Variants in SPART observed in about 807,000 individuals in gnomAD.
The protein encoded by SPART is spastic paraplegia 20 (Troyer syndrome).
SPART carries 35 observed loss-of-function variants against 58.7 expected under a neutral mutation model. The observed-to-expected ratio is 0.60, with a 90% CI of 0.46 to 0.79. The LOEUF is 0.79. Among genes scored for constraint, SPART ranks in the 30% least tolerant of loss-of-function variants. The probability of loss-of-function intolerance (pLI) is 0.00; values close to 1 mark genes in which losing one functional copy is unlikely to be tolerated. For missense variants in SPART, 730 were observed against 786.1 expected (o/e 0.93, Z 0.85); for synonymous variants, 284 against 280.7 (o/e 1.01, Z -0.12).
At chr13:36,367,039 G>A (rs752105239) in intron 1 of SPART, among the ~76,000 whole-genome samples, 3 of 152,154 alleles carry the variant, frequency 2.0e-5, no homozygotes, top group Non-Finnish European at 4.4e-5. Flanking sequence ...GGAAGTAGCC[G>A]GAAAGATTCG....
chr13:36,316,092 C>A (rs1022458333), intron 5 of SPART, among the ~76,000 whole-genome samples: 1 of 152,230 alleles, frequency 6.6e-6, no homozygotes, highest in African/African-American at 2.4e-5. Context: ...TAGATTGATT[C>A]TGTTCATGTT....
chr13:36,342,247 T>A (rs1171473454), intron 1 of SPART, among the ~76,000 whole-genome samples: 1 of 152,220 alleles, frequency 6.6e-6, no homozygotes, highest in African/African-American at 2.4e-5. Flanking sequence ...GCAATATTAC[T>A]ATTAGTACTA....
intron 1 of SPART, among the ~76,000 whole-genome samples, chr13:36,337,468 G>A (rs1397482578): frequency 6.6e-6 from 1 of 152,200 alleles, no homozygotes; most frequent in Non-Finnish European, 1.5e-5. Flanking sequence ...CTGTTCTCCT[G>A]ATAGTGAGTT....
At chr13:36,310,702 T>G (rs551905197) in intron 8 of SPART, among the ~76,000 whole-genome samples, 168 of 152,166 alleles carry the variant, frequency 1.1e-3, no homozygotes, top group Non-Finnish European at 2.1e-3. Flanking sequence ...TAGAGTCATG[T>G]AAAACTAGAG....
chr13:36,369,979 A>G (rs1276015840), intron 1 of SPART: 4 of 152,252 alleles, frequency 2.6e-5, no homozygotes, highest in Non-Finnish European at 5.9e-5. Context: ...CCTTAAAAAT[A>G]AAGCTCCTCC....
intron 5 of SPART, among the ~76,000 whole-genome samples, chr13:36,317,418 C>T (rs564924813): frequency 1.1e-4 from 17 of 152,032 alleles, no homozygotes; most frequent in South Asian, 2.1e-4. Context: ...CCCTTATTTC[C>T]GTGCCCCAAC....
At chr13:36,305,326 C>A (rs540582562) in intron 8 of SPART, among the ~76,000 whole-genome samples, 1 of 152,134 alleles carries the variant, frequency 6.6e-6, no homozygotes, top group Non-Finnish European at 1.5e-5. Context: ...CACCTCTTGA[C>A]AATCGATTCC....
chr13:36,322,085 T>G (rs1240002836), intron 5 of SPART, among the ~76,000 whole-genome samples: 1 of 152,128 alleles, frequency 6.6e-6, no homozygotes, highest in Non-Finnish European at 1.5e-5. Flanking sequence ...TTATCTCCCT[T>G]TGCTGATTCT....
chr13:36,362,809 G>A (rs1441595461), intron 1 of SPART, among the ~76,000 whole-genome samples: 4 of 151,222 alleles, frequency 2.6e-5, no homozygotes, highest in African/African-American at 9.7e-5. Flanking sequence ...TTTTTTAAAT[G>A]AGATTTTGTT....
intron 2 of SPART, 51 bp downstream of exon 2, chr13:36,334,970 G>A (rs1883815142): frequency 1.4e-6 from 2 of 1,411,086 alleles, no homozygotes; most frequent in Non-Finnish European, 1.0e-6. Context: ...AAATAAAAAT[G>A]ATGTAGTCTA....
upstream of SPART, chr13:36,346,427 T>TCACGCGGC (rs1885133335): frequency 6.6e-6 from 1 of 152,264 alleles, no homozygotes; most frequent in Admixed American, 6.6e-5. Flanking sequence ...ACGCTTCGCG[T>TCACGCGGC]CACGCGGCCG....
rs762149978 is a variant in SPART at position 36,329,406 on chromosome 13, G to C, written c.1120C>G (p.Gln374Glu). Reference sequence around the variant, plus strand: ...TTATGACGTACATCCTTATTGCCTTGGTCCAACTGTTTCACATCAGTGCCA... The same window carrying C: ...TTATGACGTACATCCTTATTGCCTTCGTCCAACTGTTTCACATCAGTGCCA... ...ASGTDVKQLD[Q>E]GNKDVRHKGK... is the part of the protein sequence containing the mutation. Residue 374 changes from glutamine to glutamate, a missense_variant, in exon 4 of 9, where the codon CAA becomes GAA. Physicochemically the swap from Gln to Glu is conservative, Grantham distance 29. Coordinates refer to ENST00000438666, the MANE Select transcript of SPART (RefSeq NM_015087.5). The C allele has an allele frequency of 6.2e-7, 1 of 1,613,970 alleles. No homozygotes were observed. The highest frequency in any genetic ancestry group is 1.1e-5 in the South Asian group (1 of 91,080).
At chr13:36,340,323 A>C (rs1884455466) in intron 1 of SPART, among the ~76,000 whole-genome samples, 1 of 152,048 alleles carries the variant, frequency 6.6e-6, no homozygotes, top group South Asian at 2.1e-4. Context: ...AGATCACACC[A>C]CTGCACTCCA....
At chr13:36,349,212 G>A (rs1028051028), upstream of SPART, among the ~76,000 whole-genome samples, 2 of 152,274 alleles carry the variant, frequency 1.3e-5, no homozygotes, top group African/African-American at 2.4e-5. Flanking sequence ...ACCGTGAGCC[G>A]AGATTGTGCC....
chr13:36,345,886 G>A (rs764345090), intron 1 of SPART, among the ~76,000 whole-genome samples: 1 of 152,078 alleles, frequency 6.6e-6, no homozygotes, highest in Non-Finnish European at 1.5e-5. Flanking sequence ...GGGGCGGCGA[G>A]AATGATCAAT....
At chr13:36,326,459 T>C (rs1275027437) in intron 5 of SPART, 116 bp downstream of exon 5, 1 of 1,358,166 alleles carries the variant, frequency 7.4e-7, no homozygotes, top group Non-Finnish European at 1.0e-6. Context: ...AAATTGATCA[T>C]TTAAAACCAA....
At chr13:36,328,729 A>G (rs566191345) in intron 4 of SPART, among the ~76,000 whole-genome samples, 1 of 152,320 alleles carries the variant, frequency 6.6e-6, no homozygotes, top group Admixed American at 6.5e-5. Flanking sequence ...CTCAGAGCCT[A>G]TGAAATGAAA....
intron 1 of SPART, 75 bp from the exon 2 acceptor site, chr13:36,335,907 A>G (rs890464049): frequency 1.2e-5 from 14 of 1,185,808 alleles, no homozygotes; most frequent in East Asian, 2.3e-5. Context: ...CTACCTGAAT[A>G]TATTTTAAGA....
rs148399669 is a variant in SPART at position 36,335,756 on chromosome 13, T to C, written c.75A>G (p.Leu25=). ...IIREAYKKAF[L]FVNKGLNTDE... is the part of the protein sequence containing the mutation. The stretch of plus-strand genomic sequence containing the variant: ...CTGTATTCAGACCTTTGTTAACAAA[T>C]AAAAAGGCCTTCTTATATGCTTCTC... Residue 25 remains leucine, a synonymous_variant, in exon 2 of 9, where the codon TTA becomes TTG. Transcript: ENST00000438666. 1.2e-3 allele frequency: 1,934 copies of C among 1,614,062 alleles called. 19 individuals are homozygous for C. The Middle Eastern group carries it at 0.024, about 20-fold the overall frequency.
Sources: allele counts gnomAD v4.1 joint callset (sites outside exome capture counted in the v4.1 genomes callset), GRCh38; gene constraint gnomAD v4.1.1; transcripts MANE v1.5; gene names NCBI Gene and HGNC (gene_info 2026-07-23, HGNC 2026-07-21).